The following DOCK7 variants were observed in gnomAD, a reference collection of about 807,000 sequenced individuals.
DOCK7 encodes the protein dedicator of cytokinesis protein 7.
In DOCK7, 138 loss-of-function variants were observed where a neutral mutation model predicts 271.0. The observed-to-expected ratio is 0.51, with a 90% confidence interval of 0.44 to 0.59. The LOEUF is 0.59. DOCK7 is among the 20% of genes least tolerant of loss of function. The probability of loss-of-function intolerance (pLI) is 0.00; values close to 1 mark genes in which losing one functional copy is unlikely to be tolerated. For synonymous variants in DOCK7, 823 were observed against 876.1 expected (o/e 0.94, Z 1.07); for missense variants, 2,066 against 2,592.4 (o/e 0.80, Z 4.41).
At position 62,504,799 on chromosome 1, in the gene DOCK7, C is replaced by G. The variant is rs766664781; in HGVS notation, c.4612-17G>C. 6.2e-7 allele frequency: 1 copy of G among 1,607,716 alleles called. No individual in the cohort carries two copies. The highest frequency in any genetic ancestry group is 8.5e-7 in the Non-Finnish European group (1 of 1,178,084). On this transcript the variant is annotated splice_polypyrimidine_tract_variant and intron_variant, in intron 36 of 49. Transcript: ENST00000635253. ...TTCAGGAAACTGTAAAACAACAAAACAAACCACCACTGAATTTTTACAGTA... is the reference window on the plus strand; with the variant it reads ...TTCAGGAAACTGTAAAACAACAAAAGAAACCACCACTGAATTTTTACAGTA...
intron 14 of DOCK7, chr1:62,601,115 AT>A (rs757686333): frequency 1.5e-5 from 24 of 1,609,762 alleles, no homozygotes; most frequent in Non-Finnish European, 2.0e-5. Context: ...ACCCACAGAA[AT>A]TTCTCTATCT....
intron 2 of DOCK7, among the ~76,000 whole-genome samples, chr1:62,655,401 TG>T (rs1204154028): frequency 6.6e-6 from 1 of 151,040 alleles, no homozygotes; most frequent in Non-Finnish European, 1.5e-5. Context: ...TATGCTTCTT[TG>T]GACTGAACTT....
intron 1 of DOCK7, 29 bp from the exon 2 acceptor site, chr1:62,663,159 A>G: frequency 4.2e-6 from 6 of 1,424,520 alleles, no homozygotes; most frequent in South Asian, 1.2e-5. Context: ...AAACATACGC[A>G]TTATTGAAAA....
At chr1:62,540,911 AT>A (rs1228306540) in intron 25 of DOCK7, among the ~76,000 whole-genome samples, 5 of 152,086 alleles carry the variant, frequency 3.3e-5, no homozygotes, top group Non-Finnish European at 7.4e-5. Flanking sequence ...TTTAAGGTTT[AT>A]TTTCTAGGAA....
chr1:62,589,248 C>A (rs528293450), intron 14 of DOCK7, among the ~76,000 whole-genome samples: 2 of 152,296 alleles, frequency 1.3e-5, no homozygotes, highest in Middle Eastern at 6.8e-3. Context: ...TGGTGCACTA[C>A]AATCCTCCAA....
At chr1:62,580,612 A>C (rs1415814278) in intron 16 of DOCK7, among the ~76,000 whole-genome samples, 1 of 152,196 alleles carries the variant, frequency 6.6e-6, no homozygotes, top group African/African-American at 2.4e-5. Context: ...TTCAATAAGT[A>C]GGTTTAATTG....
intron 48 of DOCK7, among the ~76,000 whole-genome samples, chr1:62,464,913 T>A (rs1432559669): frequency 6.6e-6 from 1 of 152,054 alleles, no homozygotes; most frequent in Non-Finnish European, 1.5e-5. Context: ...TTGAGAAAAA[T>A]TTTAAAAAGA....
intron 14 of DOCK7, chr1:62,597,935 A>C (rs1649526427): frequency 6.4e-7 from 1 of 1,550,506 alleles, no homozygotes; most frequent in Non-Finnish European, 8.6e-7. Context: ...TCAACTCAAA[A>C]CTTGAAAGCC....
intron 15 of DOCK7, among the ~76,000 whole-genome samples, chr1:62,585,251 G>T (rs1647360435): frequency 6.6e-6 from 1 of 152,152 alleles, no homozygotes. Flanking sequence ...ATCTACAAAT[G>T]TTGATGTAAC....
intron 47 of DOCK7, among the ~76,000 whole-genome samples, chr1:62,474,579 T>G (rs1268180531): frequency 1.7e-5 from 2 of 117,870 alleles, no homozygotes; most frequent in Non-Finnish European, 3.9e-5. Flanking sequence ...TAAGAGCTTT[T>G]GTAAAGGTCT....
chr1:62,668,941 A>G (rs956182767), intron 1 of DOCK7, among the ~76,000 whole-genome samples: 26 of 147,028 alleles, frequency 1.8e-4, no homozygotes, highest in African/African-American at 6.6e-4. Context: ...AAAAAAAAAA[A>G]GGCTTCAATT....
At chr1:62,560,884 G>A (rs1436111078) in intron 19 of DOCK7, among the ~76,000 whole-genome samples, 1 of 152,126 alleles carries the variant, frequency 6.6e-6, no homozygotes, top group Non-Finnish European at 1.5e-5. Flanking sequence ...ACACTGTAAG[G>A]TTCTTGAAGG....
intron 14 of DOCK7, among the ~76,000 whole-genome samples, chr1:62,589,323 G>A (rs1648074052): frequency 6.6e-6 from 1 of 152,050 alleles, no homozygotes; most frequent in Non-Finnish European, 1.5e-5. Flanking sequence ...CATATTTGAT[G>A]AGTCTCAGTA....
At chr1:62,638,860 C>T (rs1168334892) in intron 7 of DOCK7, among the ~76,000 whole-genome samples, 1 of 151,718 alleles carries the variant, frequency 6.6e-6, no homozygotes, top group Non-Finnish European at 1.5e-5. Context: ...CTATAAAAAA[C>T]GTCCACTGTT....
chr1:62,611,990 CA>C (rs11361002), intron 14 of DOCK7, among the ~76,000 whole-genome samples: 55,516 of 129,668 alleles, frequency 0.43, 11,181 homozygotes, highest in African/African-American at 0.58. Context: ...AGTAAAAATA[CA>C]AAAAAAAAAA....
chr1:62,634,374 GT>G (rs202048040), intron 9 of DOCK7: 4,782 of 122,348 alleles, frequency 0.039, 236 homozygotes, highest in African/African-American at 0.12. Context: ...AAATCTCAAT[GT>G]TTTTTTTTTT....
At chr1:62,637,198 ATAAATATTATTCT>A (rs1369543231) in intron 7 of DOCK7, among the ~76,000 whole-genome samples, 1 of 152,216 alleles carries the variant, frequency 6.6e-6, no homozygotes. Flanking sequence ...TTTTCACGTT[ATAAATATTATTCT>A]TACCATCTTT....
Position 62,552,874 on chromosome 1 carries a change from T to C in DOCK7, c.2624A>G (p.His875Arg), listed in dbSNP as rs371928202. ...CGCAGATCTAGCCATTGTGGCATAA[T>C]GCACTGATCCTCCCAAACCCCCAGG... ...PGPGGLGGSV[H>R]YATMARSAVR... The change falls in exon 22 of 50, where the codon CAT (histidine) becomes CGT (arginine). Residue 875 changes from histidine (H) to arginine (R), a missense_variant. By Grantham distance (29) the His-to-Arg change is conservative (BLOSUM62 0). This residue lies in a region of DOCK7 where 1,414 missense variants were observed against 1,670.4 expected (regional missense o/e 0.85). Coordinates refer to ENST00000635253, the MANE Select transcript of DOCK7 (RefSeq NM_001367561.1). 8 of 1,612,370 alleles carry C rather than the reference T, an allele frequency of 5.0e-6. No individual in the cohort carries two copies. In the African/African-American group the frequency reaches 8.0e-5, roughly 16 times the overall value.
intron 37 of DOCK7, among the ~76,000 whole-genome samples, chr1:62,500,762 T>A (rs1354748475): frequency 2.6e-5 from 4 of 152,186 alleles, no homozygotes; most frequent in African/African-American, 9.6e-5. Context: ...GAGGTGTTCT[T>A]TATCTGATAA....
Sources: allele counts gnomAD v4.1 joint callset (sites outside exome capture counted in the v4.1 genomes callset), GRCh38; gene constraint gnomAD v4.1.1; regional missense constraint gnomAD v4.1.1; transcripts MANE v1.5; gene names NCBI Gene and HGNC (gene_info 2026-07-23, HGNC 2026-07-21).